Variants in EPG5 observed in about 807,000 individuals in gnomAD.
EPG5 encodes the protein ectopic P-granules 5 autophagy tethering factor, also known as ectopic P granules protein 5 homolog.
EPG5 carries 159 observed loss-of-function variants against 302.7 expected under a neutral mutation model. The observed-to-expected ratio is 0.53, with a 90% CI of 0.46 to 0.60. EPG5 has a LOEUF of 0.60. EPG5 is among the 20% of genes least tolerant of loss of function. The probability of loss-of-function intolerance (pLI) is 0.00; values close to 1 mark genes in which losing one functional copy is unlikely to be tolerated. For synonymous variants in EPG5, 1,158 were observed against 1,136.8 expected, an observed-to-expected ratio of 1.02 and a Z score of -0.37; for missense variants, 2,896 against 3,092.4, an observed-to-expected ratio of 0.94 and a Z score of 1.51.
chr18:45,922,690 G>GC, intron 15 of EPG5, 90 bp from the exon 16 acceptor site: 1 of 1,422,606 alleles, frequency 7.0e-7, no homozygotes. Flanking sequence ...GACCAACAAT[G>GC]CCCTCAACGC....
chr18:45,887,046 TC>T (rs375059111), intron 29 of EPG5, among the ~76,000 whole-genome samples: 22 of 152,344 alleles, frequency 1.4e-4, no homozygotes, highest in African/African-American at 5.3e-4. Flanking sequence ...CTTGTAAGCA[TC>T]CAATAAGTAA....
chr18:45,901,906 C>T (rs1327121907), intron 25 of EPG5, among the ~76,000 whole-genome samples: 2 of 152,152 alleles, frequency 1.3e-5, no homozygotes, highest in Non-Finnish European at 2.9e-5. Flanking sequence ...GCTGAATACA[C>T]AGTAGATATC....
At chr18:45,846,188 GC>G (rs1453306818), downstream of EPG5, among the ~76,000 whole-genome samples, 2 of 151,966 alleles carry the variant, frequency 1.3e-5, no homozygotes, top group Admixed American at 1.3e-4. Flanking sequence ...TTCAATAACA[GC>G]CCCTCATGTT....
At chr18:45,880,356 C>T (rs922112907) in intron 31 of EPG5, 133 bp from the exon 32 acceptor site, 1 of 869,498 alleles carries the variant, frequency 1.2e-6, no homozygotes, top group East Asian at 2.9e-5. Context: ...ACAGGGATAT[C>T]TGGGGTGAGG....
the EPG5 span, chr18:45,838,979 T>G: frequency 6.2e-7 from 1 of 1,601,134 alleles, no homozygotes; most frequent in South Asian, 1.1e-5. Flanking sequence ...GTCTACCTGT[T>G]CCGCTTCCAT....
intron 13 of EPG5, among the ~76,000 whole-genome samples, chr18:45,928,282 G>C (rs1178236635): frequency 4.6e-5 from 7 of 152,060 alleles, no homozygotes; most frequent in Non-Finnish European, 7.4e-5. Context: ...AAAATTGACT[G>C]TGTTGAGAGT....
the EPG5 span, among the ~76,000 whole-genome samples, chr18:45,814,226 C>T: frequency 2.0e-5 from 3 of 152,102 alleles, no homozygotes; most frequent in East Asian, 5.8e-4. Context: ...TATGGTATTC[C>T]AGAGGGGACA....
chr18:45,953,463 G>A, intron 2 of EPG5: 1 of 985,214 alleles, frequency 1.0e-6, no homozygotes, highest in Non-Finnish European at 1.2e-6. Flanking sequence ...ATACAGGTCT[G>A]CCAATGAATG....
At chr18:45,924,259 G>A (rs1479830138) in intron 14 of EPG5, among the ~76,000 whole-genome samples, 2 of 152,152 alleles carry the variant, frequency 1.3e-5, no homozygotes, top group East Asian at 1.9e-4. Flanking sequence ...AAGGCATAAG[G>A]AGACTCTCAC....
rs2048381464 is a variant in EPG5 at position 45,848,107 on chromosome 18, A to C, written c.*4360T>G. 1 of 152,202 alleles carries C rather than the reference A, an allele frequency of 6.6e-6. No homozygotes were observed. Among genetic ancestry groups the C allele is most frequent in the Non-Finnish European group, 1.5e-5 (1 of 68,038 alleles). 9.4% of individuals were successfully genotyped at this position (152,202 alleles called of 1,614,324 possible). On this transcript the variant is annotated 3_prime_UTR_variant, in exon 44 of 44. Transcript: ENST00000282041. ...GAGGCATGCTGTGGAAACCGGACCAAAATGAAGTCTGCGTTAGTAAGTCTA... is the reference window on the plus strand; with the variant it reads ...GAGGCATGCTGTGGAAACCGGACCACAATGAAGTCTGCGTTAGTAAGTCTA...
chr18:45,920,573 A>G (rs1233144479), intron 16 of EPG5, among the ~76,000 whole-genome samples: 2 of 152,246 alleles, frequency 1.3e-5, no homozygotes, highest in Admixed American at 6.5e-5. Context: ...CAGAAGGCCA[A>G]CGGGAGCTGG....
intron 30 of EPG5, 80 bp downstream of exon 30, chr18:45,884,537 G>T: frequency 7.6e-7 from 1 of 1,323,450 alleles, no homozygotes; most frequent in Non-Finnish European, 1.0e-6. Flanking sequence ...AACTGCAGAG[G>T]TCCTTTTATT....
At chr18:45,807,295 C>A in the EPG5 span, among the ~76,000 whole-genome samples, 1 of 152,176 alleles carries the variant, frequency 6.6e-6, no homozygotes, top group Non-Finnish European at 1.5e-5. Context: ...CCCTATCCAC[C>A]CTGGTAATTG....
At chr18:45,949,196 A>T (rs1267046940) in intron 5 of EPG5, among the ~76,000 whole-genome samples, 1 of 152,142 alleles carries the variant, frequency 6.6e-6, no homozygotes, top group Non-Finnish European at 1.5e-5. Context: ...ACGGGAAAAA[A>T]GTCCTGGTGA....
chr18:45,837,898 C>T, the EPG5 span: 15 of 1,503,120 alleles, frequency 1.0e-5, no homozygotes, highest in South Asian at 1.9e-4. Context: ...ACGTGACAGG[C>T]GAGGCGGCGT....
At chr18:45,941,080 A>C (rs2050654962) in intron 9 of EPG5, among the ~76,000 whole-genome samples, 1 of 152,238 alleles carries the variant, frequency 6.6e-6, no homozygotes, top group South Asian at 2.1e-4. Context: ...ATGACATCTC[A>C]AAAAGCAAGT....
the EPG5 span, among the ~76,000 whole-genome samples, chr18:45,824,188 G>A: frequency 6.6e-6 from 1 of 152,144 alleles, no homozygotes; most frequent in Admixed American, 6.5e-5. Context: ...AGGGCCTCCT[G>A]TGTCGATCTC....
At chr18:45,865,560 G>A (rs982319725) in intron 39 of EPG5, 55 bp downstream of exon 39, 57 of 1,581,074 alleles carry the variant, frequency 3.6e-5, no homozygotes, top group Middle Eastern at 1.7e-4. Context: ...AGTGCCTTAC[G>A]CACAGCAGGA....
rs192186653 is a variant in EPG5 at position 45,892,613 on chromosome 18, C to T, written c.4810-2673G>A. On this transcript the variant is annotated intron_variant, in intron 27 of 43. Transcript: ENST00000282041. ...ATACCAAAGTACATCAAAAGGAACCCAATTATAAATCACCCCATTTCCCCA... is the reference window on the plus strand; with the variant it reads ...ATACCAAAGTACATCAAAAGGAACCTAATTATAAATCACCCCATTTCCCCA... Among the ~76,000 whole-genome samples the T allele has an allele frequency of 4.7e-3, 718 of 152,218 alleles. 4 individuals are homozygous for T. The highest frequency in any genetic ancestry group is 7.6e-3 in the Non-Finnish European group (514 of 68,012).
Sources: allele counts gnomAD v4.1 joint callset (sites outside exome capture counted in the v4.1 genomes callset), GRCh38; gene constraint gnomAD v4.1.1; transcripts MANE v1.5; gene names NCBI Gene and HGNC (gene_info 2026-07-23, HGNC 2026-07-21).